Variants in PIGK observed in about 807,000 individuals in gnomAD.
PIGK encodes phosphatidylinositol glycan anchor biosynthesis class K, also known as GPI-anchor transamidase.
In PIGK, 42 loss-of-function variants were observed where a neutral mutation model predicts 50.6. The observed-to-expected ratio is 0.83, with a 90% CI of 0.65 to 1.07. The LOEUF is 1.07. Among genes scored for constraint, PIGK ranks in the 50% least tolerant of loss-of-function variants. The pLI, the probability that PIGK is intolerant of heterozygous loss-of-function variation, is 0.00. For synonymous variants in PIGK, 151 were observed against 156.0 expected (o/e 0.97, Z 0.24); for missense variants, 448 against 488.7 (o/e 0.92, Z 0.78).
intron 2 of PIGK, among the ~76,000 whole-genome samples, chr1:77,209,009 T>C (rs540786506): frequency 6.6e-6 from 1 of 152,238 alleles, no homozygotes; most frequent in South Asian, 2.1e-4. Flanking sequence ...ATTCCCACTA[T>C]ATTCTTACCA....
intron 1 of PIGK, among the ~76,000 whole-genome samples, chr1:77,217,793 A>C (rs746939632): frequency 6.6e-6 from 1 of 152,214 alleles, no homozygotes; most frequent in Non-Finnish European, 1.5e-5. Context: ...GGTAAGAGAT[A>C]GGGAAACGTT....
intron 2 of PIGK, among the ~76,000 whole-genome samples, chr1:77,206,983 A>G (rs547313915): frequency 5.3e-5 from 8 of 152,280 alleles, no homozygotes; most frequent in African/African-American, 1.9e-4. Context: ...CCTGGCCAAC[A>G]TGGCAAAACC....
At chr1:77,122,394 C>T in intron 9 of PIGK, 35 bp from the exon 10 acceptor site, 1 of 1,119,162 alleles carries the variant, frequency 8.9e-7, no homozygotes, top group Non-Finnish European at 1.4e-6. Context: ...AGAGCTAAGG[C>T]AAATACTATT....
chr1:77,109,368 C>T (rs1570186906), intron 10 of PIGK, among the ~76,000 whole-genome samples: 1 of 152,180 alleles, frequency 6.6e-6, no homozygotes, highest in South Asian at 2.1e-4. Context: ...CAATAAAATA[C>T]TGGCAAACCA....
At chr1:77,189,207 G>A (rs959204543) in intron 3 of PIGK, among the ~76,000 whole-genome samples, 12 of 152,276 alleles carry the variant, frequency 7.9e-5, no homozygotes, top group Admixed American at 4.6e-4. Flanking sequence ...AAGGATAGTT[G>A]TATTATGTTA....
intron 9 of PIGK, chr1:77,153,640 AAAG>A (rs1320868845): frequency 6.6e-6 from 1 of 152,092 alleles, no homozygotes; most frequent in Admixed American, 6.6e-5. Context: ...AATTAAAAAA[AAAG>A]AAACTGTTGT....
In PIGK at chr1:77,169,923, A is replaced by G. The variant is rs369436656; in HGVS notation, c.240-528T>C. ...AAACATGCAACTGATCAGCAAGTAC[A>G]ATCAGTTTAGCACAAGAGCACACCT... On this transcript the variant is annotated intron_variant, in intron 3 of 10. Transcript: ENST00000370812. 8.5e-4 allele frequency among the ~76,000 whole-genome samples: 129 copies of G among 152,290 alleles called. 2 individuals carry two copies. The East Asian group carries it at 0.013, about 15-fold the overall frequency.
chr1:77,205,592 T>A (rs1171474183), intron 3 of PIGK, among the ~76,000 whole-genome samples: 1 of 151,994 alleles, frequency 6.6e-6, no homozygotes, highest in Non-Finnish European at 1.5e-5. Flanking sequence ...ATTATTACCA[T>A]GTAACAAATG....
intron 3 of PIGK, among the ~76,000 whole-genome samples, chr1:77,203,718 G>A (rs1656222901): frequency 6.6e-6 from 1 of 152,148 alleles, no homozygotes; most frequent in African/African-American, 2.4e-5. Flanking sequence ...AAATTGTGAA[G>A]ATTTCATGGA....
At chr1:77,116,864 T>C (rs1653987432) in intron 10 of PIGK, among the ~76,000 whole-genome samples, 1 of 152,212 alleles carries the variant, frequency 6.6e-6, no homozygotes, top group Non-Finnish European at 1.5e-5. Context: ...ATTATAACTA[T>C]GTAACTATTG....
rs1653295289 is a variant in PIGK at position 77,091,409 on chromosome 1, C to T, written c.*965G>A. On this transcript the variant is annotated 3_prime_UTR_variant, in exon 11 of 11. Transcript: ENST00000370812. ...TACATTTTCTTCACAGGTCCATCCA[C>T]TTTATGGGATTTTTCTCAAGGAAAG... The T allele has an allele frequency of 6.6e-6, 1 of 152,182 alleles. No individual in the cohort carries two copies. The highest frequency in any genetic ancestry group is 1.5e-5 in the Non-Finnish European group (1 of 68,018). The allele number at this position is 152,182 out of a possible 1,614,324, so 9.4% of individuals were successfully genotyped here.
intron 9 of PIGK, among the ~76,000 whole-genome samples, chr1:77,130,541 C>T (rs565232793): frequency 5.4e-4 from 82 of 152,124 alleles, no homozygotes; most frequent in African/African-American, 1.8e-3. Flanking sequence ...TCTGTGGGGG[C>T]TTTATAATAT....
At chr1:77,105,949 A>G (rs1481042849) in intron 10 of PIGK, among the ~76,000 whole-genome samples, 1 of 152,236 alleles carries the variant, frequency 6.6e-6, no homozygotes, top group Non-Finnish European at 1.5e-5. Flanking sequence ...ACGGAAAGAC[A>G]TCTTTAAAGT....
At chr1:77,147,153 G>A (rs1355035769) in intron 9 of PIGK, among the ~76,000 whole-genome samples, 3 of 152,146 alleles carry the variant, frequency 2.0e-5, no homozygotes, top group Non-Finnish European at 4.4e-5. Context: ...CAGTAAGAGA[G>A]AATGAGAGGG....
At chr1:77,164,173 A>G (rs1352262741) in intron 5 of PIGK, among the ~76,000 whole-genome samples, 1 of 152,206 alleles carries the variant, frequency 6.6e-6, no homozygotes, top group Non-Finnish European at 1.5e-5. Context: ...CTAATATTCA[A>G]TTACAGAAAC....
At chr1:77,103,680 G>A (rs918206159) in intron 10 of PIGK, among the ~76,000 whole-genome samples, 8 of 152,210 alleles carry the variant, frequency 5.3e-5, no homozygotes, top group African/African-American at 1.9e-4. Flanking sequence ...GTCTTCCTGA[G>A]TGGAAGTGAC....
intron 9 of PIGK, among the ~76,000 whole-genome samples, chr1:77,140,775 C>T (rs1408279928): frequency 6.6e-6 from 1 of 152,186 alleles, no homozygotes; most frequent in East Asian, 1.9e-4. Context: ...TTAGAAGATA[C>T]GTATCAGTGT....
intron 5 of PIGK, among the ~76,000 whole-genome samples, chr1:77,164,336 G>A (rs1351778720): frequency 6.6e-6 from 1 of 152,164 alleles, no homozygotes; most frequent in Non-Finnish European, 1.5e-5. Context: ...TGGAGCAGAA[G>A]ATTGTGCTAT....
chr1:77,169,123 C>T (rs1655298967), intron 4 of PIGK, 137 bp downstream of exon 4: 1 of 517,548 alleles, frequency 1.9e-6, no homozygotes, highest in African/African-American at 2.0e-5. Context: ...TTAATATGAA[C>T]TTCAGAGAAG....
Sources: gnomAD v4.1 joint callset for allele counts (sites outside exome capture counted in the v4.1 genomes callset) on GRCh38, gnomAD v4.1.1 for gene constraint, MANE v1.5 for transcripts, NCBI Gene and HGNC (gene_info 2026-07-23, HGNC 2026-07-21) for gene names.